Variants in SDK1 observed in about 807,000 individuals in gnomAD.
SDK1 encodes the protein protein sidekick-1.
In SDK1, 157 loss-of-function variants were observed where a neutral mutation model predicts 245.5. That is an observed-to-expected ratio of 0.64 (90% CI 0.56 to 0.73). The LOEUF (loss-of-function observed/expected upper bound fraction) is 0.73. Ranked by LOEUF, SDK1 falls within the 30% of genes least tolerant of loss-of-function variation. SDK1 has a pLI of 0.00. For synonymous variants in SDK1, 1,647 were observed against 1,278.5 expected, an observed-to-expected ratio of 1.29 and a Z score of -6.15; for missense variants, 3,583 against 3,002.3, an observed-to-expected ratio of 1.19 and a Z score of -4.52.
chr7:3,651,603 G>A (rs563673907), intron 4 of SDK1, among the ~76,000 whole-genome samples: 13 of 152,222 alleles, frequency 8.5e-5, no homozygotes, highest in African/African-American at 2.9e-4. Context: ...GAGAAAATGG[G>A]GGATAGATAC....
chr7:4,208,430 C>G (rs1784352128), intron 37 of SDK1, 145 bp downstream of exon 37: 1 of 718,520 alleles, frequency 1.4e-6, no homozygotes, highest in Non-Finnish European at 2.3e-6. Context: ...TCTGGATGGG[C>G]AGGACTGGGT....
At chr7:3,730,194 G>A (rs1346616476) in intron 4 of SDK1, among the ~76,000 whole-genome samples, 1 of 152,122 alleles carries the variant, frequency 6.6e-6, no homozygotes, top group African/African-American at 2.4e-5. Flanking sequence ...ATCTGTAGCT[G>A]AAACAAACAG....
At chr7:4,185,955 T>C (rs888791072) in intron 35 of SDK1, among the ~76,000 whole-genome samples, 7 of 151,900 alleles carry the variant, frequency 4.6e-5, no homozygotes, top group South Asian at 2.1e-4. Context: ...CCCTGAGCTC[T>C]AAGGGGGGAT....
intron 1 of SDK1, among the ~76,000 whole-genome samples, chr7:3,447,518 C>G (rs1019511976): frequency 7.9e-5 from 12 of 152,064 alleles, no homozygotes; most frequent in African/African-American, 2.9e-4. Context: ...CCACCCCATT[C>G]TTCTAGGACA....
chr7:3,437,429 G>C (rs1315464330), intron 1 of SDK1, among the ~76,000 whole-genome samples: 1 of 152,046 alleles, frequency 6.6e-6, no homozygotes, highest in African/African-American at 2.4e-5. Context: ...AAAAAGATGT[G>C]AAAATTTACA....
chr7:3,848,921 C>A (rs932596899), intron 5 of SDK1, among the ~76,000 whole-genome samples: 2 of 152,200 alleles, frequency 1.3e-5, no homozygotes, highest in Non-Finnish European at 2.9e-5. Context: ...CCGCCCACCT[C>A]GGCCTCCCAA....
intron 7 of SDK1, 154 bp downstream of exon 7, chr7:3,952,074 C>G (rs1226753395): frequency 3.0e-6 from 2 of 663,918 alleles, no homozygotes; most frequent in African/African-American, 3.7e-5. Context: ...CCTTCCTAGC[C>G]TTCTTTCCCA....
intron 5 of SDK1, among the ~76,000 whole-genome samples, chr7:3,862,379 CTG>C: frequency 6.6e-6 from 1 of 152,198 alleles, no homozygotes; most frequent in Non-Finnish European, 1.5e-5. Flanking sequence ...CAGTCTCGGT[CTG>C]TGTTGTTGTG....
At chr7:3,780,485 C>T (rs1228939709) in intron 4 of SDK1, among the ~76,000 whole-genome samples, 1 of 152,140 alleles carries the variant, frequency 6.6e-6, no homozygotes, top group African/African-American at 2.4e-5. Context: ...TAGCAGATAC[C>T]AGTCAACTTC....
At chr7:3,730,165 T>C (rs1779137362) in intron 4 of SDK1, among the ~76,000 whole-genome samples, 1 of 152,084 alleles carries the variant, frequency 6.6e-6, no homozygotes, top group African/African-American at 2.4e-5. Flanking sequence ...GAAACAGAGA[T>C]GACTTGGAGA....
Position 4,114,140 on chromosome 7 carries a change from G to T in SDK1, c.3689G>T (p.Ser1230Ile), listed in dbSNP as rs772658499. 17 of 1,614,252 alleles carry T rather than the reference G, an allele frequency of 1.1e-5. No homozygotes were observed. In the South Asian group the frequency reaches 1.8e-4, roughly 17 times the overall value. The change falls in exon 25 of 45, where the codon AGT becomes ATT. Residue 1230 changes from serine (S) to isoleucine (I), a missense_variant. Ser to Ile is a moderately radical substitution (Grantham distance 142, BLOSUM62 -2). Coordinates refer to ENST00000404826, the MANE Select transcript of SDK1 (RefSeq NM_152744.4). ...LQSSAVAQVV[S>I]DRLEREFTIE... ...TCCTCAGCAGTGGCCCAAGTCGTCA[G>T]TGACCGGCTGGAGAGAGAATTCACC...
chr7:4,004,709 C>T (rs938879194), intron 14 of SDK1, among the ~76,000 whole-genome samples: 1 of 152,178 alleles, frequency 6.6e-6, no homozygotes, highest in Non-Finnish European at 1.5e-5. Context: ...GAAATTATGT[C>T]AATTCATCCC....
Position 4,221,239 on chromosome 7 carries a change from G to A in SDK1, c.5702G>A (p.Gly1901Glu). Residue 1901 changes from glycine (G) to glutamate (E), a missense_variant and splice_region_variant, in exon 40 of 45, where the codon GGA becomes GAA. Transcript: ENST00000404826. ...QANITAGPAE[G>E]SPGSPRDVLV... ...CTCTCTTTTCTTCTTTATCCCGCAG[G>A]ATCCCCGGGCTCGCCTAGAGATGTC... The A allele has an allele frequency of 1.9e-6, 3 of 1,613,300 alleles. No individual in the cohort carries two copies. Among genetic ancestry groups the A allele is most frequent in the Non-Finnish European group, 2.5e-6 (3 of 1,179,966 alleles).
intron 42 of SDK1, among the ~76,000 whole-genome samples, chr7:4,239,327 C>A (rs1362742384): frequency 6.6e-6 from 1 of 152,198 alleles, no homozygotes; most frequent in Non-Finnish European, 1.5e-5. Flanking sequence ...AGGGAAGATG[C>A]ATGAGAGCAC....
At chr7:3,605,841 ATTAAG>A (rs1781405259) in intron 1 of SDK1, among the ~76,000 whole-genome samples, 3 of 152,122 alleles carry the variant, frequency 2.0e-5, no homozygotes, top group African/African-American at 7.2e-5. Flanking sequence ...TTCTGATCAA[ATTAAG>A]TTGTTTTGGT....
At chr7:4,148,241 C>T (rs996411153) in intron 29 of SDK1, among the ~76,000 whole-genome samples, 3 of 152,226 alleles carry the variant, frequency 2.0e-5, no homozygotes, top group Non-Finnish European at 2.9e-5. Flanking sequence ...CTCCCACACC[C>T]GCCACTGGGG....
At chr7:3,846,008 G>C (rs1247701545) in intron 5 of SDK1, among the ~76,000 whole-genome samples, 3 of 152,168 alleles carry the variant, frequency 2.0e-5, no homozygotes, top group Non-Finnish European at 4.4e-5. Context: ...AGAAGGGTGA[G>C]TTTGTATTTC....
chr7:4,221,987 T>C (rs1785175165), intron 40 of SDK1, among the ~76,000 whole-genome samples: 1 of 152,186 alleles, frequency 6.6e-6, no homozygotes, highest in Admixed American at 6.5e-5. Context: ...GGGTATCACC[T>C]AACACAGAAA....
intron 1 of SDK1, among the ~76,000 whole-genome samples, chr7:3,530,842 A>G (rs1442895777): frequency 1.3e-5 from 2 of 152,232 alleles, no homozygotes; most frequent in African/African-American, 4.8e-5. Context: ...TATTTTCTGA[A>G]AGAATTAATC....
Sources: gnomAD v4.1 joint callset for allele counts (sites outside exome capture counted in the v4.1 genomes callset) on GRCh38, gnomAD v4.1.1 for gene constraint, MANE v1.5 for transcripts, NCBI Gene and HGNC (gene_info 2026-07-23, HGNC 2026-07-21) for gene names.